Variants in LCORL observed in about 807,000 individuals in gnomAD.
LCORL encodes the protein ligand-dependent nuclear receptor corepressor-like protein.
Under a neutral mutation model 141.8 loss-of-function variants are expected in LCORL, and 41 were observed. The ratio of observed to expected loss-of-function variants is 0.29; its 90% CI spans 0.23 to 0.38. LCORL has a LOEUF of 0.38. Ranked by LOEUF, LCORL falls within the 10% of genes least tolerant of loss-of-function variation. The pLI, the probability that LCORL is intolerant of heterozygous loss-of-function variation, is 1.00. For synonymous variants in LCORL, 618 were observed against 694.1 expected (o/e 0.89, Z 1.72); for missense variants, 1,759 against 2,035.0 (o/e 0.86, Z 2.61).
chr4:17,947,793 A>G (rs1230033886), intron 4 of LCORL, among the ~76,000 whole-genome samples: 1 of 151,990 alleles, frequency 6.6e-6, no homozygotes, highest in Admixed American at 6.6e-5. Context: ...CACGTGATAT[A>G]GGTTTTAGTT....
Position 17,959,184 on chromosome 4 carries a change from A to C in LCORL, c.430+2719T>G, listed in dbSNP as rs1703114059. 2.0e-5 allele frequency among the ~76,000 whole-genome samples: 3 copies of C among 152,090 alleles called. No homozygotes were observed. In the South Asian group the frequency reaches 6.2e-4, roughly 31 times the overall value. On this transcript the variant is annotated intron_variant, in intron 4 of 7. Transcript: ENST00000635767. ...GGAATTAATCACTGAAATTGTTCAG[A>C]GGCCACATGAAGAAAAAATAGAAAC...
chr4:17,890,959 C>T (rs1016776063), intron 5 of LCORL, among the ~76,000 whole-genome samples: 2 of 152,068 alleles, frequency 1.3e-5, no homozygotes, highest in African/African-American at 4.8e-5. Flanking sequence ...GAATTGTTTT[C>T]CACCCCTCCA....
chr4:18,018,357 A>G (rs924520870), intron 1 of LCORL, among the ~76,000 whole-genome samples: 7 of 152,168 alleles, frequency 4.6e-5, no homozygotes, highest in African/African-American at 1.7e-4. Context: ...AACACAGTAC[A>G]GTATAGGATA....
At chr4:17,858,599 A>T (rs1724630784) in intron 7 of LCORL, among the ~76,000 whole-genome samples, 1 of 151,424 alleles carries the variant, frequency 6.6e-6, no homozygotes, top group Non-Finnish European at 1.5e-5. Context: ...ATGGTGGGGC[A>T]TGCCTGTAAT....
At chr4:17,900,713 T>G (rs1010867654) in intron 5 of LCORL, among the ~76,000 whole-genome samples, 2 of 152,186 alleles carry the variant, frequency 1.3e-5, no homozygotes, top group African/African-American at 4.8e-5. Context: ...TGGGAAATAT[T>G]TCTGAATAAA....
intron 1 of LCORL, among the ~76,000 whole-genome samples, chr4:18,003,421 T>C (rs1399696095): frequency 7.0e-6 from 1 of 142,340 alleles, no homozygotes; most frequent in Non-Finnish European, 1.5e-5. Flanking sequence ...TACTTTCAGG[T>C]GTTTGACTTG....
At chr4:17,866,029 G>A (rs1725601551) in intron 7 of LCORL, among the ~76,000 whole-genome samples, 1 of 152,154 alleles carries the variant, frequency 6.6e-6, no homozygotes, top group African/African-American at 2.4e-5. Context: ...TTCTTGGCAT[G>A]GCTCATAAGA....
chr4:18,005,345 C>T (rs1462842458), intron 1 of LCORL, among the ~76,000 whole-genome samples: 2 of 152,212 alleles, frequency 1.3e-5, no homozygotes, highest in Admixed American at 6.5e-5. Flanking sequence ...TACAGCCTCC[C>T]TCCCAGCTGC....
At chr4:18,010,412 G>GTGTGTA (rs1436457387) in intron 1 of LCORL, among the ~76,000 whole-genome samples, 4,326 of 151,556 alleles carry the variant, frequency 0.029, 77 homozygotes, top group Middle Eastern at 0.051. Context: ...GTGTGTGTGT[G>GTGTGTA]TATATATATA....
At chr4:17,885,146 C>T (rs1388997810) in intron 6 of LCORL, among the ~76,000 whole-genome samples, 2 of 151,848 alleles carry the variant, frequency 1.3e-5, no homozygotes, top group East Asian at 1.9e-4. Context: ...ACAAACGTGA[C>T]GTTACCGCTA....
intron 4 of LCORL, among the ~76,000 whole-genome samples, chr4:17,918,351 G>A (rs1439570471): frequency 1.3e-5 from 2 of 152,032 alleles, no homozygotes; most frequent in Non-Finnish European, 2.9e-5. Flanking sequence ...GGGGGAAAAA[G>A]TCCACAGAAA....
exon 8 of LCORL, chr4:17,845,767 G>A (rs372845898): frequency 1.5e-5 from 24 of 1,613,352 alleles, no homozygotes; most frequent in South Asian, 3.3e-5. Flanking sequence ...TGTACAGCTC[G>A]TTAGAGATGC....
At chr4:17,875,813 T>C (rs1177332329) in exon 7 of LCORL, 11 of 1,231,088 alleles carry the variant, frequency 8.9e-6, no homozygotes, top group Admixed American at 4.2e-5. Context: ...TAGGTTCTTC[T>C]TGTGGCTTAT....
chr4:17,933,119 A>T (rs181648634), intron 4 of LCORL, among the ~76,000 whole-genome samples: 10,653 of 152,162 alleles, frequency 0.07, 1,286 homozygotes, highest in African/African-American at 0.24. Flanking sequence ...TTTTAAAATT[A>T]TCATACTTTT....
intron 4 of LCORL, among the ~76,000 whole-genome samples, chr4:17,915,931 C>T (rs558765557): frequency 3.3e-5 from 5 of 152,264 alleles, no homozygotes; most frequent in East Asian, 3.9e-4. Flanking sequence ...GGGAGGTGAT[C>T]GGATCATGGT....
intron 5 of LCORL, among the ~76,000 whole-genome samples, chr4:17,900,656 C>T (rs1276805251): frequency 3.3e-5 from 5 of 152,006 alleles, no homozygotes. Context: ...AAACTCAAGA[C>T]ACAGGTTAAA....
At chr4:17,934,932 G>A (rs569652137) in intron 4 of LCORL, among the ~76,000 whole-genome samples, 2 of 152,176 alleles carry the variant, frequency 1.3e-5, no homozygotes, top group South Asian at 2.1e-4. Context: ...TCTAAAAAAC[G>A]GAGGGTGAAA....
intron 1 of LCORL, among the ~76,000 whole-genome samples, chr4:17,997,190 G>C (rs769419891): frequency 2.6e-5 from 4 of 152,090 alleles, no homozygotes; most frequent in Non-Finnish European, 5.9e-5. Flanking sequence ...TTGTTCATAC[G>C]TAACATACGA....
At chr4:17,980,895 G>C (rs774581772) in intron 1 of LCORL, among the ~76,000 whole-genome samples, 8 of 152,126 alleles carry the variant, frequency 5.3e-5, no homozygotes, top group Non-Finnish European at 1.2e-4. Context: ...AGAATCTAAT[G>C]CCTAACGATC....
Sources: allele counts gnomAD v4.1 joint callset (sites outside exome capture counted in the v4.1 genomes callset), GRCh38; gene constraint gnomAD v4.1.1; transcripts MANE v1.5; gene names NCBI Gene and HGNC (gene_info 2026-07-23, HGNC 2026-07-21).